The following LRRC4C variants were observed in gnomAD, a reference collection of about 807,000 sequenced individuals.
LRRC4C encodes the protein leucine rich repeat containing 4C, also known as leucine-rich repeat-containing protein 4C.
A neutral mutation model predicts 33.6 loss-of-function variants in LRRC4C; 5 were observed. That is an observed-to-expected ratio of 0.15 (90% CI 0.08 to 0.31). LRRC4C has a LOEUF of 0.31. Ranked by LOEUF, LRRC4C falls within the 10% of genes least tolerant of loss-of-function variation. The pLI is 1.00. For missense variants in LRRC4C, 560 were observed against 796.7 expected, an observed-to-expected ratio of 0.70 and a Z score of 3.58; for synonymous variants, 329 against 302.0, an observed-to-expected ratio of 1.09 and a Z score of -0.93.
chr11:41,316,282 A>T (rs76630964), intron 1 of LRRC4C, among the ~76,000 whole-genome samples: 1 of 141,978 alleles, frequency 7.0e-6, no homozygotes. Context: ...AAAAAAAACA[A>T]AAAAAAACAA....
intron 5 of LRRC4C, among the ~76,000 whole-genome samples, chr11:40,235,340 T>C (rs1471872416): frequency 6.6e-6 from 1 of 152,224 alleles, no homozygotes; most frequent in Non-Finnish European, 1.5e-5. Context: ...GCATAACTAT[T>C]ATTTGTGTAA....
chr11:40,234,222 C>A (rs1865399306), intron 5 of LRRC4C, among the ~76,000 whole-genome samples: 1 of 152,156 alleles, frequency 6.6e-6, no homozygotes, highest in Non-Finnish European at 1.5e-5. Flanking sequence ...TCTAACAATG[C>A]AAGGCACAAT....
chr11:41,094,872 A>G (rs1414939141), intron 1 of LRRC4C, among the ~76,000 whole-genome samples: 1 of 152,178 alleles, frequency 6.6e-6, no homozygotes, highest in Non-Finnish European at 1.5e-5. Flanking sequence ...GTTACAGATG[A>G]TCCCTATTTC....
intron 3 of LRRC4C, among the ~76,000 whole-genome samples, chr11:40,409,650 G>A (rs767774246): frequency 7.9e-5 from 12 of 151,992 alleles, no homozygotes; most frequent in Admixed American, 1.3e-4. Flanking sequence ...ATCATTAATC[G>A]TCAGGAAAGC....
At chr11:41,418,052 A>C (rs930504515) in intron 1 of LRRC4C, among the ~76,000 whole-genome samples, 6 of 151,764 alleles carry the variant, frequency 4.0e-5, no homozygotes, top group Non-Finnish European at 8.8e-5. Context: ...CTTAAACTCT[A>C]TTAGAAAATT....
chr11:41,093,229 A>G (rs1305470527), intron 1 of LRRC4C, among the ~76,000 whole-genome samples: 7 of 152,232 alleles, frequency 4.6e-5, no homozygotes, highest in Non-Finnish European at 1.0e-4. Context: ...TGATAAAGAG[A>G]TGTATGCAAA....
chr11:40,457,275 A>G (rs1590800902), intron 3 of LRRC4C, among the ~76,000 whole-genome samples: 1 of 152,124 alleles, frequency 6.6e-6, no homozygotes, highest in African/African-American at 2.4e-5. Context: ...GATATTTTTA[A>G]GAAGAAAGTA....
At chr11:40,852,697 G>C (rs976118166) in intron 2 of LRRC4C, among the ~76,000 whole-genome samples, 10 of 152,006 alleles carry the variant, frequency 6.6e-5, no homozygotes, top group Non-Finnish European at 1.3e-4. Flanking sequence ...ATCTTTACAA[G>C]CTGTCAACAA....
At chr11:41,004,198 GTCC>G (rs1371571571) in intron 1 of LRRC4C, among the ~76,000 whole-genome samples, 1 of 152,138 alleles carries the variant, frequency 6.6e-6, no homozygotes, top group East Asian at 1.9e-4. Context: ...TCTTTTCAAT[GTCC>G]TCAAGACTTA....
intron 2 of LRRC4C, among the ~76,000 whole-genome samples, chr11:40,699,068 C>T (rs2136469463): frequency 6.6e-6 from 1 of 152,272 alleles, no homozygotes; most frequent in African/African-American, 2.4e-5. Context: ...TCCCCTGTCC[C>T]ACCACACACA....
intron 4 of LRRC4C, among the ~76,000 whole-genome samples, chr11:40,308,383 T>C (rs913121342): frequency 2.0e-5 from 3 of 152,168 alleles, no homozygotes; most frequent in African/African-American, 7.2e-5. Flanking sequence ...TGTAAATATG[T>C]TACATTGAAT....
intron 3 of LRRC4C, among the ~76,000 whole-genome samples, chr11:40,584,066 A>G (rs1354857882): frequency 6.6e-6 from 1 of 151,098 alleles, no homozygotes; most frequent in Non-Finnish European, 1.5e-5. Flanking sequence ...ATGATCACTT[A>G]TTAACACCTG....
rs183761899 is a variant in LRRC4C at position 40,431,288 on chromosome 11, G to A, written c.-269-111567C>T. On this transcript the variant is annotated intron_variant, in intron 3 of 6. Transcript: ENST00000528697. ...CTAAAAGTACAAAAATTAGCCAGGC[G>A]TGGTGGTGCGTGCCTGTAATCCCAG... Among the ~76,000 whole-genome samples, 17 of 151,124 alleles carry A rather than the reference G, an allele frequency of 1.1e-4. No homozygotes were observed. The East Asian group carries it at 1.2e-3, about 10-fold the overall frequency.
chr11:40,326,597 C>A (rs1431426711), intron 3 of LRRC4C, among the ~76,000 whole-genome samples: 1 of 151,126 alleles, frequency 6.6e-6, no homozygotes, highest in Admixed American at 6.6e-5. Flanking sequence ...GTGTGTTGTG[C>A]AGGGCCAAAG....
At position 40,752,560 on chromosome 11, in the gene LRRC4C, G is replaced by A. The variant is rs149614868; in HGVS notation, c.-406-104282C>T. 1.8e-4 allele frequency among the ~76,000 whole-genome samples: 27 copies of A among 151,602 alleles called. No individual in the cohort carries two copies. The East Asian group carries it at 3.1e-3, about 17-fold the overall frequency. On this transcript the variant is annotated intron_variant, in intron 2 of 6. Transcript: ENST00000528697. ...ACCACAATGAGATATCATCTTACCC[G>A]AGTTACAATGGCTATTACTAAAAAT... is the stretch of plus-strand genomic sequence containing the variant.
chr11:40,928,620 T>C (rs1253787581), intron 2 of LRRC4C, among the ~76,000 whole-genome samples: 1 of 152,126 alleles, frequency 6.6e-6, no homozygotes, highest in Non-Finnish European at 1.5e-5. Context: ...AGTCCAGTCA[T>C]AGTTTCACTA....
intron 2 of LRRC4C, among the ~76,000 whole-genome samples, chr11:40,659,743 C>T (rs1460784595): frequency 6.6e-6 from 1 of 152,204 alleles, no homozygotes; most frequent in East Asian, 1.9e-4. Context: ...CCTGTGGAAA[C>T]AAGCTATCCA....
At chr11:40,480,517 A>G (rs1275346186) in intron 3 of LRRC4C, among the ~76,000 whole-genome samples, 2 of 152,020 alleles carry the variant, frequency 1.3e-5, no homozygotes, top group Non-Finnish European at 2.9e-5. Flanking sequence ...ACTACCTGTC[A>G]GGTACTATGC....
intron 3 of LRRC4C, among the ~76,000 whole-genome samples, chr11:40,320,246 C>G (rs1365709150): frequency 6.6e-6 from 1 of 152,192 alleles, no homozygotes; most frequent in Non-Finnish European, 1.5e-5. Context: ...TGGCTCACGC[C>G]TGTAATCCCA....
Sources: allele counts gnomAD v4.1 joint callset (sites outside exome capture counted in the v4.1 genomes callset), GRCh38; gene constraint gnomAD v4.1.1; transcripts MANE v1.5; gene names NCBI Gene and HGNC (gene_info 2026-07-23, HGNC 2026-07-21).